The following MTHFD1L variants were observed in gnomAD, a reference collection of about 807,000 sequenced individuals.
MTHFD1L encodes monofunctional C1-tetrahydrofolate synthase, mitochondrial.
MTHFD1L carries 81 observed loss-of-function variants against 119.5 expected under a neutral mutation model. That is an observed-to-expected ratio of 0.68 (90% CI 0.57 to 0.82). MTHFD1L has a LOEUF of 0.82. Ranked by LOEUF, MTHFD1L falls within the 40% of genes least tolerant of loss-of-function variation. The probability of loss-of-function intolerance (pLI) is 0.00; values close to 1 mark genes in which losing one functional copy is unlikely to be tolerated. For missense variants in MTHFD1L, 1,125 were observed against 1,253.4 expected (o/e 0.90, Z 1.55); for synonymous variants, 430 against 475.2 (o/e 0.90, Z 1.24).
intron 1 of MTHFD1L, chr6:150,866,281 G>C: frequency 6.8e-7 from 1 of 1,467,018 alleles, no homozygotes; most frequent in South Asian, 1.3e-5. Context: ...GCGCAGGTGG[G>C]CGTGGGCATC....
intron 26 of MTHFD1L, among the ~76,000 whole-genome samples, chr6:151,070,822 A>G (rs1791869990): frequency 6.6e-6 from 1 of 152,244 alleles, no homozygotes; most frequent in African/African-American, 2.4e-5. Flanking sequence ...AAACCATCTC[A>G]GGAATCCCTA....
At chr6:150,950,831 G>A (rs1356349146) in intron 16 of MTHFD1L, among the ~76,000 whole-genome samples, 1 of 151,912 alleles carries the variant, frequency 6.6e-6, no homozygotes, top group Non-Finnish European at 1.5e-5. Context: ...CACCACACGT[G>A]GCTAATTTTT....
intron 26 of MTHFD1L, among the ~76,000 whole-genome samples, chr6:151,040,396 AC>A (rs1389668668): frequency 6.6e-6 from 1 of 152,228 alleles, no homozygotes; most frequent in African/African-American, 2.4e-5. Flanking sequence ...TTAATTCACT[AC>A]TGAGCATTTA....
At chr6:150,946,296 C>T (rs1369197555) in intron 15 of MTHFD1L, among the ~76,000 whole-genome samples, 3 of 152,094 alleles carry the variant, frequency 2.0e-5, no homozygotes, top group Non-Finnish European at 4.4e-5. Context: ...ATTACAGACA[C>T]GCACCACCGC....
chr6:150,969,549 A>G (rs1031116923), intron 19 of MTHFD1L, among the ~76,000 whole-genome samples: 1 of 151,492 alleles, frequency 6.6e-6, no homozygotes, highest in Non-Finnish European at 1.5e-5. Flanking sequence ...CTGTTCATAT[A>G]CAGGACTGGG....
At chr6:151,049,287 T>G (rs993230356) in intron 26 of MTHFD1L, among the ~76,000 whole-genome samples, 6 of 152,042 alleles carry the variant, frequency 3.9e-5, no homozygotes, top group Non-Finnish European at 8.8e-5. Context: ...GTCAGGAGAT[T>G]GAGACCATCC....
At chr6:150,988,312 C>T (rs548742607) in intron 20 of MTHFD1L, among the ~76,000 whole-genome samples, 1 of 152,264 alleles carries the variant, frequency 6.6e-6, no homozygotes, top group African/African-American at 2.4e-5. Context: ...CCCATCTTAG[C>T]CAAGAGCATT....
intron 26 of MTHFD1L, among the ~76,000 whole-genome samples, chr6:151,073,703 C>CAG (rs1792191596): frequency 1.3e-5 from 2 of 150,320 alleles, no homozygotes. Flanking sequence ...AAAAAAAACT[C>CAG]TTAATTAATA....
chr6:151,016,144 T>A (rs1314505068), intron 24 of MTHFD1L, among the ~76,000 whole-genome samples: 1 of 152,120 alleles, frequency 6.6e-6, no homozygotes, highest in East Asian at 1.9e-4. Context: ...CAAAGTCACA[T>A]TTCCAAGTAC....
At chr6:151,076,509 G>C (rs1468492667) in intron 26 of MTHFD1L, among the ~76,000 whole-genome samples, 1 of 151,928 alleles carries the variant, frequency 6.6e-6, no homozygotes, top group Non-Finnish European at 1.5e-5. Context: ...AAATTAATTG[G>C]GCATGGTGGC....
At chr6:151,002,667 G>C (rs756612429) in intron 20 of MTHFD1L, among the ~76,000 whole-genome samples, 118 of 152,212 alleles carry the variant, frequency 7.8e-4, no homozygotes, top group Non-Finnish European at 1.2e-3. Context: ...AACCACGCTG[G>C]ACGGAATTTT....
At chr6:150,899,997 T>A (rs1173595989) in intron 7 of MTHFD1L, among the ~76,000 whole-genome samples, 1 of 147,884 alleles carries the variant, frequency 6.8e-6, no homozygotes, top group Non-Finnish European at 1.5e-5. Flanking sequence ...ATATATATTT[T>A]TTATATTATA....
rs576527036 is a variant in MTHFD1L, at chr6:151,003,303, G to C, written c.2126-6516G>C. 7.2e-5 allele frequency among the ~76,000 whole-genome samples: 11 copies of C among 152,288 alleles called. No individual in the cohort carries two copies. The South Asian group carries it at 1.0e-3, about 14-fold the overall frequency. The stretch of plus-strand genomic sequence containing the variant: ...TCCCAACACTTTGGGAGGCCGAGGT[G>C]GGCGGATCACCTGAGGTCAGAAGTT... On this transcript the variant is annotated intron_variant, in intron 20 of 27. Transcript: ENST00000367321.
At chr6:150,973,345 C>T (rs192992748) in intron 20 of MTHFD1L, among the ~76,000 whole-genome samples, 7 of 152,328 alleles carry the variant, frequency 4.6e-5, no homozygotes, top group Admixed American at 2.6e-4. Flanking sequence ...TCCACTCCTC[C>T]ATGATCTGTT....
intron 24 of MTHFD1L, among the ~76,000 whole-genome samples, chr6:151,032,474 G>A (rs755432776): frequency 1.3e-5 from 2 of 152,070 alleles, no homozygotes; most frequent in East Asian, 3.9e-4. Context: ...TGAGGGATCC[G>A]CCCCCGTGAT....
chr6:150,982,544 G>A (rs1777672636), intron 20 of MTHFD1L, among the ~76,000 whole-genome samples: 1 of 152,134 alleles, frequency 6.6e-6, no homozygotes, highest in Non-Finnish European at 1.5e-5. Context: ...AGGTCTTCTA[G>A]GGACTATATA....
chr6:150,949,523 C>G (rs1794547069), intron 16 of MTHFD1L, among the ~76,000 whole-genome samples: 1 of 152,152 alleles, frequency 6.6e-6, no homozygotes, highest in Non-Finnish European at 1.5e-5. Context: ...CCACCTTCTT[C>G]TGTTCACTTC....
chr6:150,972,511 G>A (rs553515836), intron 20 of MTHFD1L, among the ~76,000 whole-genome samples: 7 of 152,314 alleles, frequency 4.6e-5, no homozygotes, highest in South Asian at 4.1e-4. Flanking sequence ...ACAGATAGGC[G>A]CAGTGGCACA....
rs141151362 is a variant in MTHFD1L, at chr6:151,051,691, C to T, written c.2847+14574C>T. Among the ~76,000 whole-genome samples, 120 of 152,336 alleles carry T rather than the reference C, an allele frequency of 7.9e-4. 2 individuals carry two copies. The East Asian group carries it at 0.02, about 26-fold the overall frequency. On this transcript the variant is annotated intron_variant, in intron 26 of 27. Transcript: ENST00000367321. ...GATGTTTGGATAAATAAGGCATAAA[C>T]ACCTGGAGAATTAAAGCAAGTACAA...
Sources: gnomAD v4.1 joint callset for allele counts (sites outside exome capture counted in the v4.1 genomes callset) on GRCh38, gnomAD v4.1.1 for gene constraint, MANE v1.5 for transcripts, NCBI Gene and HGNC (gene_info 2026-07-23, HGNC 2026-07-21) for gene names.